Variants in ATXN7 observed in about 807,000 individuals in gnomAD.
The protein encoded by ATXN7 is ataxin 7.
A neutral mutation model predicts 70.5 loss-of-function variants in ATXN7; 12 were observed. That is an observed-to-expected ratio of 0.17 (90% confidence interval 0.11 to 0.28). The LOEUF is 0.28. Among genes scored for constraint, ATXN7 ranks in the 10% least tolerant of loss-of-function variants. The pLI, the probability that ATXN7 is intolerant of heterozygous loss-of-function variation, is 1.00. For missense variants in ATXN7, 1,256 were observed against 1,131.7 expected, an observed-to-expected ratio of 1.11 and a Z score of -1.58; for synonymous variants, 498 against 448.7, an observed-to-expected ratio of 1.11 and a Z score of -1.39.
At chr3:63,877,222 T>C (rs1339833184) in intron 1 of ATXN7, among the ~76,000 whole-genome samples, 1 of 152,240 alleles carries the variant, frequency 6.6e-6, no homozygotes, top group African/African-American at 2.4e-5. Context: ...GAGGTTTTTG[T>C]TTAATTTTTT....
intron 4 of ATXN7, among the ~76,000 whole-genome samples, chr3:63,946,157 G>C (rs1036934190): frequency 1.3e-5 from 2 of 152,188 alleles, no homozygotes; most frequent in Non-Finnish European, 2.9e-5. Context: ...GGACTACTGA[G>C]GTTTCCATTT....
Position 63,914,126 on chromosome 3 carries a change from A to G in ATXN7, c.394+901A>G, listed in dbSNP as rs559597752. On this transcript the variant is annotated intron_variant, in intron 4 of 12. Transcript: ENST00000674280. ...ACTGAGTTTATAGTCCCCGAATGCA[A>G]TTTTATTTCTCACTCGTAGCCATTT... is the stretch of plus-strand genomic sequence containing the variant. Among the ~76,000 whole-genome samples, 70 of 152,220 alleles carry G rather than the reference A, an allele frequency of 4.6e-4. No individual in the cohort carries two copies. In the East Asian group the frequency reaches 5.6e-3, roughly 12 times the overall value.
At chr3:63,991,056 C>A (rs2075663823) in intron 11 of ATXN7, 197 bp downstream of exon 11, 2 of 719,674 alleles carry the variant, frequency 2.8e-6, no homozygotes, top group African/African-American at 3.6e-5. Flanking sequence ...TGGGTGCTGG[C>A]ATTCAAAGCA....
intron 4 of ATXN7, among the ~76,000 whole-genome samples, chr3:63,939,040 C>G (rs2074711273): frequency 6.6e-6 from 1 of 151,496 alleles, no homozygotes; most frequent in African/African-American, 2.4e-5. Flanking sequence ...AGTTTTAGGA[C>G]TTGATTTGTA....
chr3:63,870,983 C>G (rs1702576665), intron 1 of ATXN7, among the ~76,000 whole-genome samples: 1 of 152,152 alleles, frequency 6.6e-6, no homozygotes, highest in South Asian at 2.1e-4. Context: ...CTTTTAGTTT[C>G]ACCTTTTCAC....
intron 5 of ATXN7, among the ~76,000 whole-genome samples, chr3:63,975,705 C>CT (rs1323577361): frequency 3.8e-4 from 58 of 152,246 alleles, no homozygotes; most frequent in African/African-American, 1.2e-3. Context: ...GAATTATAAG[C>CT]TTAGTATTGG....
Position 64,002,708 on chromosome 3 carries a change from T to C in ATXN7, c.*3241T>C, listed in dbSNP as rs1403471858. 1 of 152,152 alleles carries C rather than the reference T, an allele frequency of 6.6e-6. No individual in the cohort carries two copies. The highest frequency in any genetic ancestry group is 1.9e-4 in the East Asian group (1 of 5,190). The allele number at this position is 152,152 out of a possible 1,614,324, so 9.4% of individuals were successfully genotyped here. The stretch of plus-strand genomic sequence containing the variant: ...GTTTCTAAAATTTTAGGGGCGGAGT[T>C]GAAAACCACCAATGCTGGTAATTTT... On this transcript the variant is annotated 3_prime_UTR_variant, in exon 13 of 13. Coordinates refer to ENST00000674280, the MANE Select transcript of ATXN7 (RefSeq NM_001377405.1).
chr3:63,971,360 A>G (rs1345911402), intron 5 of ATXN7, among the ~76,000 whole-genome samples: 2 of 152,178 alleles, frequency 1.3e-5, no homozygotes, highest in Non-Finnish European at 2.9e-5. Flanking sequence ...CTTTTAAGCA[A>G]TTAGACTACA....
chr3:63,924,976 G>T (rs541867305), intron 4 of ATXN7, among the ~76,000 whole-genome samples: 1 of 152,290 alleles, frequency 6.6e-6, no homozygotes, highest in Non-Finnish European at 1.5e-5. Context: ...CATGTGAAAA[G>T]AATTGATAAT....
chr3:63,970,559 TAGGC>T (rs1468431919), intron 5 of ATXN7, among the ~76,000 whole-genome samples: 2 of 152,198 alleles, frequency 1.3e-5, no homozygotes, highest in African/African-American at 4.8e-5. Context: ...AGCAACAAGT[TAGGC>T]AGGGAAGGAG....
intron 4 of ATXN7, among the ~76,000 whole-genome samples, chr3:63,949,481 C>T (rs1274290471): frequency 6.6e-6 from 1 of 152,116 alleles, no homozygotes; most frequent in Non-Finnish European, 1.5e-5. Flanking sequence ...TCATGGCAAC[C>T]TCCACCTCCC....
intron 4 of ATXN7, among the ~76,000 whole-genome samples, chr3:63,941,085 A>G (rs887140317): frequency 3.3e-5 from 5 of 152,126 alleles, no homozygotes; most frequent in Middle Eastern, 3.2e-3. Flanking sequence ...TATCCCCAGC[A>G]TTTTATCTCA....
At chr3:63,881,896 G>C (rs549326524) in intron 1 of ATXN7, among the ~76,000 whole-genome samples, 2 of 152,264 alleles carry the variant, frequency 1.3e-5, no homozygotes, top group East Asian at 1.9e-4. Context: ...GTTACTTTCT[G>C]CTAAACACTG....
chr3:63,926,817 C>T (rs141611494), intron 4 of ATXN7, among the ~76,000 whole-genome samples: 112 of 152,154 alleles, frequency 7.4e-4, no homozygotes, highest in East Asian at 3.9e-4. Context: ...CCTCCCCTTG[C>T]CCCCCAATGC....
rs371370297 is a variant in ATXN7, at chr3:63,979,949, G to A, written c.534G>A (p.Leu178=). 1.2e-6 allele frequency: 2 copies of A among 1,614,140 alleles called. No homozygotes were observed. The highest frequency in any genetic ancestry group is 1.7e-6 in the Non-Finnish European group (2 of 1,180,022). The change falls in exon 6 of 13, where the codon TTG becomes TTA. Residue 178 remains leucine (L), a synonymous_variant. Transcript: ENST00000674280. ...ATAGCTCATCCAGCAAGCCGCCTTT[G>A]GCCGTTCCTCCCACTTCAGTATTTT... is the stretch of plus-strand genomic sequence containing the variant. ...RRHSSSSKPP[L]AVPPTSVFSF... is the part of the protein sequence containing the mutation.
Position 63,995,772 on chromosome 3 carries a change from C to G in ATXN7, c.1950C>G (p.Ser650=). The change falls in exon 12 of 13, where the codon TCC becomes TCG. Residue 650 remains serine, a synonymous_variant. Transcript: ENST00000674280. ...SMQSRQVSSS[S]SSPSTPSGLS... Reference sequence around the variant, plus strand: ...AATCCAGACAAGTGTCCTCTTCATCCTCATCCCCTTCCACGCCCTCTGGCC... The same window carrying G: ...AATCCAGACAAGTGTCCTCTTCATCGTCATCCCCTTCCACGCCCTCTGGCC... 2 of 1,614,224 alleles carry G rather than the reference C, an allele frequency of 1.2e-6. No homozygotes were observed. The highest frequency in any genetic ancestry group is 2.2e-5 in the South Asian group (2 of 91,088).
chr3:63,915,973 C>A (rs74653349), intron 4 of ATXN7, among the ~76,000 whole-genome samples: 1,870 of 152,256 alleles, frequency 0.012, 26 homozygotes, highest in African/African-American at 0.039. Context: ...AGGCATGAAC[C>A]ACCACCCCCG....
chr3:63,911,009 C>T (rs1247225549), intron 2 of ATXN7, among the ~76,000 whole-genome samples: 1 of 151,858 alleles, frequency 6.6e-6, no homozygotes, highest in African/African-American at 2.4e-5. Context: ...AGTTGGCTAC[C>T]TCTGTCACAT....
At chr3:63,984,967 C>T (rs1407809913) in intron 8 of ATXN7, among the ~76,000 whole-genome samples, 1 of 152,166 alleles carries the variant, frequency 6.6e-6, no homozygotes, top group African/African-American at 2.4e-5. Context: ...GAATTTCCTT[C>T]TTTTTAAGGG....
Sources: allele counts gnomAD v4.1 joint callset (sites outside exome capture counted in the v4.1 genomes callset), GRCh38; gene constraint gnomAD v4.1.1; transcripts MANE v1.5; gene names NCBI Gene and HGNC (gene_info 2026-07-23, HGNC 2026-07-21).